EBF2: variants seen among roughly 807,000 people sequenced by gnomAD.
The protein encoded by EBF2 is transcription factor COE2.
Under a neutral mutation model 72.8 loss-of-function variants are expected in EBF2, and 21 were observed. That is an observed-to-expected ratio of 0.29 (90% CI 0.20 to 0.42). The LOEUF (loss-of-function observed/expected upper bound fraction) is 0.42, where lower values mean the gene tolerates loss of function less well. EBF2 is among the 10% of genes least tolerant of loss of function. EBF2 has a pLI of 1.00. For missense variants in EBF2, 637 were observed against 731.2 expected (o/e 0.87, Z 1.49); for synonymous variants, 299 against 274.2 (o/e 1.09, Z -0.89).
At chr8:25,860,967 G>A in intron 13 of EBF2, 82 bp downstream of exon 13, 2 of 1,511,486 alleles carry the variant, frequency 1.3e-6, no homozygotes, top group East Asian at 4.5e-5. Flanking sequence ...GGACCATTAT[G>A]ACCCAACCTC....
intron 6 of EBF2, among the ~76,000 whole-genome samples, chr8:25,926,177 G>A (rs1248015377): frequency 1.3e-5 from 2 of 152,060 alleles, no homozygotes; most frequent in Non-Finnish European, 2.9e-5. Context: ...GTACCAGTGG[G>A]CCACAATACA....
At chr8:25,874,188 G>A (rs182997993) in intron 10 of EBF2, among the ~76,000 whole-genome samples, 4 of 152,124 alleles carry the variant, frequency 2.6e-5, no homozygotes, top group Admixed American at 1.3e-4. Context: ...AAAAAAATGC[G>A]AAGTGGATGA....
rs117590758 is a variant in EBF2, at chr8:26,042,879, G to A, written c.132-628C>T. On this transcript the variant is annotated intron_variant, in intron 1 of 15. Coordinates refer to ENST00000520164, the MANE Select transcript of EBF2 (RefSeq NM_022659.4). ...CTTGGGCTGCTTGCCTCGCTCTTCC[G>A]AAAAGTTGTGCCTGGGACAGAGACA... Among the ~76,000 whole-genome samples, 388 of 152,288 alleles carry A rather than the reference G, an allele frequency of 2.5e-3. 2 individuals carry two copies. The highest frequency in any genetic ancestry group is 3.8e-3 in the Non-Finnish European group (259 of 68,016).
chr8:25,908,603 A>T, intron 6 of EBF2, 48 bp from the exon 7 acceptor site: 1 of 1,276,040 alleles, frequency 7.8e-7, no homozygotes, highest in Non-Finnish European at 1.1e-6. Flanking sequence ...ACATTTTTAA[A>T]GGGAGAATAT....
At chr8:25,852,864 G>GA (rs1223979676) in intron 14 of EBF2, among the ~76,000 whole-genome samples, 46 of 152,308 alleles carry the variant, frequency 3.0e-4, no homozygotes, top group African/African-American at 9.9e-4. Context: ...AACACCGTAA[G>GA]AGACAGGAAG....
chr8:25,885,026 C>T (rs1802666875), intron 10 of EBF2, among the ~76,000 whole-genome samples: 1 of 152,096 alleles, frequency 6.6e-6, no homozygotes, highest in Non-Finnish European at 1.5e-5. Context: ...TTTATTTTCT[C>T]TGTCAAAGTA....
intron 6 of EBF2, among the ~76,000 whole-genome samples, chr8:25,989,382 G>T (rs1804510899): frequency 6.6e-6 from 1 of 152,134 alleles, no homozygotes; most frequent in South Asian, 2.1e-4. Context: ...TTCAAATCTG[G>T]ATTATAAAGA....
At chr8:26,019,566 C>A (rs144024429) in intron 6 of EBF2, among the ~76,000 whole-genome samples, 26 of 152,320 alleles carry the variant, frequency 1.7e-4, no homozygotes, top group African/African-American at 6.3e-4. Context: ...CCTATAGGAT[C>A]ATCTGCTGGT....
At chr8:25,895,727 G>A (rs1337726788) in intron 7 of EBF2, among the ~76,000 whole-genome samples, 1 of 152,172 alleles carries the variant, frequency 6.6e-6, no homozygotes, top group Non-Finnish European at 1.5e-5. Context: ...GGCCACAGTG[G>A]GGGTCACCCT....
chr8:25,855,770 G>A (rs188486144), intron 14 of EBF2, among the ~76,000 whole-genome samples: 118 of 152,254 alleles, frequency 7.8e-4, no homozygotes, highest in Admixed American at 2.2e-3. Context: ...GAATTTGATT[G>A]TAATGAATGC....
intron 10 of EBF2, among the ~76,000 whole-genome samples, chr8:25,870,342 C>T (rs923270859): frequency 7.9e-5 from 12 of 151,852 alleles, no homozygotes; most frequent in African/African-American, 1.5e-4. Flanking sequence ...ACACTCACAA[C>T]GTGCTAAATA....
In EBF2 at chr8:25,889,923, T is replaced by C. The variant is rs546218523; in HGVS notation, c.634-54A>G. 9 of 1,492,012 alleles carry C rather than the reference T, an allele frequency of 6.0e-6. 1 individual carries two copies. Among genetic ancestry groups the C allele is most frequent in the African/African-American group, 4.1e-5 (3 of 72,360 alleles). The allele number at this position is 1,492,012 out of a possible 1,614,324, so 92.4% of individuals were successfully genotyped here. A position where few individuals can be genotyped will look rare whatever the true frequency, so the allele number is the denominator to read the frequency against. On this transcript the variant is annotated intron_variant, in intron 7 of 15. Transcript: ENST00000520164. ...GGGGTGCAGTGGAATTAGTTTCACA[T>C]GAAGTAGCAAATGCACCAAAATTCT...
intron 14 of EBF2, among the ~76,000 whole-genome samples, chr8:25,855,171 T>TTTTC (rs985633944): frequency 6.6e-6 from 1 of 152,152 alleles, no homozygotes; most frequent in African/African-American, 2.4e-5. Context: ...GAAAAACCAC[T>TTTTC]TTTCTTTGTA....
intron 6 of EBF2, among the ~76,000 whole-genome samples, chr8:25,990,506 GAAAAC>G (rs796849157): frequency 1.2e-4 from 18 of 152,248 alleles, no homozygotes; most frequent in African/African-American, 3.9e-4. Flanking sequence ...TGTGCTGTAA[GAAAAC>G]AGCCTGTCTC....
chr8:26,036,309 T>C (rs1805500030), intron 5 of EBF2, among the ~76,000 whole-genome samples: 1 of 151,814 alleles, frequency 6.6e-6, no homozygotes, highest in East Asian at 1.9e-4. Context: ...GAGGAAATGA[T>C]ATTCAAAGAA....
At chr8:25,963,221 C>T (rs1166296827) in intron 6 of EBF2, among the ~76,000 whole-genome samples, 2 of 152,176 alleles carry the variant, frequency 1.3e-5, no homozygotes, top group Non-Finnish European at 2.9e-5. Flanking sequence ...TTGGCTTAGC[C>T]AAGGCACAGG....
At chr8:26,022,865 C>T (rs1336742880) in intron 6 of EBF2, among the ~76,000 whole-genome samples, 1 of 152,188 alleles carries the variant, frequency 6.6e-6, no homozygotes, top group Non-Finnish European at 1.5e-5. Context: ...AAGCTTGGAG[C>T]CTCTCATCAC....
chr8:25,964,167 C>A (rs1021072871), intron 6 of EBF2, among the ~76,000 whole-genome samples: 3 of 150,302 alleles, frequency 2.0e-5, no homozygotes, highest in Non-Finnish European at 4.4e-5. Context: ...TTTGGATGAA[C>A]CAATTTGAAT....
At chr8:25,995,487 G>T (rs769672156) in intron 6 of EBF2, among the ~76,000 whole-genome samples, 4 of 152,010 alleles carry the variant, frequency 2.6e-5, no homozygotes, top group African/African-American at 7.2e-5. Context: ...TTAAGCTCTC[G>T]CATTAAAAAG....
Sources: gnomAD v4.1 joint callset for allele counts (sites outside exome capture counted in the v4.1 genomes callset) on GRCh38, gnomAD v4.1.1 for gene constraint, MANE v1.5 for transcripts, NCBI Gene and HGNC (gene_info 2026-07-23, HGNC 2026-07-21) for gene names.